Variants in SPON1 observed in about 807,000 individuals in gnomAD.
SPON1 encodes the protein spondin-1.
A neutral mutation model predicts 111.7 loss-of-function variants in SPON1; 52 were observed. That is an observed-to-expected ratio of 0.47 (90% CI 0.37 to 0.59). The LOEUF (loss-of-function observed/expected upper bound fraction) is 0.59. Ranked by LOEUF, SPON1 falls within the 20% of genes least tolerant of loss-of-function variation. SPON1 has a pLI of 0.00. For synonymous variants in SPON1, 410 were observed against 395.8 expected (o/e 1.04, Z -0.43); for missense variants, 957 against 1,068.5 (o/e 0.90, Z 1.46).
At chr11:14,233,320 T>C (rs1187008708) in intron 6 of SPON1, among the ~76,000 whole-genome samples, 3 of 152,184 alleles carry the variant, frequency 2.0e-5, no homozygotes, top group African/African-American at 7.2e-5. Context: ...TCCCTGGCCC[T>C]ATGTCGCCAG....
At chr11:14,211,082 A>G (rs1326546924) in intron 6 of SPON1, among the ~76,000 whole-genome samples, 5 of 152,122 alleles carry the variant, frequency 3.3e-5, no homozygotes, top group Non-Finnish European at 7.3e-5. Context: ...TCTTGGCTAT[A>G]CGGGCTCTTT....
At chr11:14,063,621 T>C (rs1848808642) in intron 3 of SPON1, among the ~76,000 whole-genome samples, 1 of 152,188 alleles carries the variant, frequency 6.6e-6, no homozygotes, top group Admixed American at 6.5e-5. Context: ...CACATAAGGA[T>C]GAGGTCAGAT....
chr11:13,983,065 A>G (rs542669357), intron 2 of SPON1, 112 bp downstream of exon 2: 7 of 671,814 alleles, frequency 1.0e-5, no homozygotes, highest in South Asian at 5.6e-5. Context: ...CCGTTGGCCA[A>G]CGGGGGCAGG....
chr11:14,176,218 C>G (rs550857760), intron 6 of SPON1, among the ~76,000 whole-genome samples: 1 of 152,076 alleles, frequency 6.6e-6, no homozygotes, highest in African/African-American at 2.4e-5. Context: ...CCTCTGAGAT[C>G]CCTTCCACAT....
At chr11:14,096,283 C>T (rs1361218401) in intron 5 of SPON1, among the ~76,000 whole-genome samples, 1 of 152,072 alleles carries the variant, frequency 6.6e-6, no homozygotes, top group Non-Finnish European at 1.5e-5. Context: ...CTGTTGTTTC[C>T]CCAAATCCCA....
chr11:14,212,886 A>G (rs1391052480), intron 6 of SPON1, among the ~76,000 whole-genome samples: 1 of 152,216 alleles, frequency 6.6e-6, no homozygotes, highest in Non-Finnish European at 1.5e-5. Context: ...TGGGTGGATC[A>G]TCAAAAGATG....
chr11:14,236,066 T>C (rs1330847687), intron 6 of SPON1, among the ~76,000 whole-genome samples: 11 of 152,176 alleles, frequency 7.2e-5, no homozygotes, highest in Admixed American at 4.6e-4. Flanking sequence ...AGCAAGGTCC[T>C]GTCTGCTGTG....
chr11:14,032,708 C>G (rs1413238391), intron 2 of SPON1, among the ~76,000 whole-genome samples: 1 of 152,182 alleles, frequency 6.6e-6, no homozygotes, highest in Non-Finnish European at 1.5e-5. Context: ...CCAAATCTAC[C>G]TGCCTCAAAC....
intron 5 of SPON1, among the ~76,000 whole-genome samples, chr11:14,114,181 C>T (rs1430444940): frequency 1.3e-5 from 2 of 152,102 alleles, no homozygotes; most frequent in African/African-American, 2.4e-5. Context: ...ACCCACTAAC[C>T]ATCCCCACTT....
intron 5 of SPON1, among the ~76,000 whole-genome samples, chr11:14,100,133 TAC>T (rs1554924251): frequency 1.2e-4 from 15 of 122,644 alleles, no homozygotes; most frequent in Non-Finnish European, 1.1e-4. Flanking sequence ...TGCTTTTTTG[TAC>T]TTACTGAGTT....
chr11:14,235,342 G>T (rs1205460933), intron 6 of SPON1, among the ~76,000 whole-genome samples: 2 of 152,072 alleles, frequency 1.3e-5, no homozygotes, highest in Non-Finnish European at 2.9e-5. Context: ...AAACACCCTC[G>T]CCCTCTTGGA....
rs1332293374 is a variant in SPON1 at position 14,023,222 on chromosome 11, A to C, written c.346-18299A>C. On this transcript the variant is annotated intron_variant, in intron 2 of 15. Coordinates refer to ENST00000576479, the MANE Select transcript of SPON1 (RefSeq NM_006108.4). ...AATGGAAAGCCACTGGAAGTCTTTA[A>C]ACAGGGAAGTGACATGATTTATTAT... Among the ~76,000 whole-genome samples the C allele has an allele frequency of 2.6e-5, 4 of 152,312 alleles. No homozygotes were observed. The East Asian group carries it at 5.8e-4, about 22-fold the overall frequency.
At chr11:14,045,589 T>G (rs997884356) in intron 3 of SPON1, among the ~76,000 whole-genome samples, 5 of 147,026 alleles carry the variant, frequency 3.4e-5, no homozygotes, top group African/African-American at 1.2e-4. Flanking sequence ...AAAATAATAA[T>G]AAAAATTTAA....
At chr11:14,038,395 G>T (rs1308799893) in intron 2 of SPON1, among the ~76,000 whole-genome samples, 2 of 151,946 alleles carry the variant, frequency 1.3e-5, no homozygotes, top group African/African-American at 2.4e-5. Flanking sequence ...CCTGAACGTG[G>T]GAGGCAGAGG....
rs1348020804 is a variant in SPON1 at position 14,268,125 on chromosome 11, T to C, written c.*2438T>C. Among the ~76,000 whole-genome samples the C allele has an allele frequency of 3.3e-5, 5 of 152,224 alleles. No homozygotes were observed. Among genetic ancestry groups the C allele is most frequent in the Non-Finnish European group, 7.3e-5 (5 of 68,046 alleles). ...GAAAAAATAAACATCGTGCTGTTTT[T>C]AATTTGAACTTTGCATATTGAACAT... On this transcript the variant is annotated 3_prime_UTR_variant, in exon 16 of 16. Transcript: ENST00000576479.
At chr11:13,979,007 A>G (rs541846314) in intron 1 of SPON1, among the ~76,000 whole-genome samples, 3 of 152,324 alleles carry the variant, frequency 2.0e-5, no homozygotes, top group African/African-American at 7.2e-5. Context: ...GGCTGATTGT[A>G]TTCATTTCCT....
chr11:14,226,589 A>G (rs782782800), intron 6 of SPON1, among the ~76,000 whole-genome samples: 1 of 152,222 alleles, frequency 6.6e-6, no homozygotes, highest in Non-Finnish European at 1.5e-5. Context: ...CTTTCACATC[A>G]TCATAAAGTC....
At chr11:14,005,460 A>T (rs564818876) in intron 2 of SPON1, among the ~76,000 whole-genome samples, 1 of 152,228 alleles carries the variant, frequency 6.6e-6, no homozygotes, top group South Asian at 2.1e-4. Context: ...CATGGCTTTG[A>T]GTACCATCTG....
intron 15 of SPON1, among the ~76,000 whole-genome samples, chr11:14,264,667 C>T (rs937052344): frequency 1.7e-4 from 26 of 152,136 alleles, no homozygotes; most frequent in Non-Finnish European, 2.5e-4. Context: ...CATAGTTGTA[C>T]GGTACATTCC....
Sources: gnomAD v4.1 joint callset for allele counts (sites outside exome capture counted in the v4.1 genomes callset) on GRCh38, gnomAD v4.1.1 for gene constraint, MANE v1.5 for transcripts, NCBI Gene and HGNC (gene_info 2026-07-23, HGNC 2026-07-21) for gene names.